The following CPNE7 variants were observed in gnomAD, a reference collection of about 807,000 sequenced individuals.
CPNE7 encodes copine 7.
A neutral mutation model predicts 66.5 loss-of-function variants in CPNE7; 78 were observed. The ratio of observed to expected loss-of-function variants is 1.17; its 90% confidence interval spans 0.98 to 1.42. CPNE7 has a LOEUF of 1.42. Ranked by LOEUF, CPNE7 falls within the 40% of genes most tolerant of loss-of-function variation. The pLI, the probability that CPNE7 is intolerant of heterozygous loss-of-function variation, is 0.00. For missense variants in CPNE7, 1,012 were observed against 776.6 expected (o/e 1.30, Z -3.60); for synonymous variants, 468 against 336.7 (o/e 1.39, Z -4.27).
At chr16:89,585,620 C>G in intron 6 of CPNE7, 67 bp downstream of exon 6, 1 of 1,555,890 alleles carries the variant, frequency 6.4e-7, no homozygotes, top group South Asian at 1.2e-5. Flanking sequence ...GATGGAGACA[C>G]CTGGGCTCGG....
At chr16:89,586,072 T>C (rs1280078424) in intron 7 of CPNE7, among the ~76,000 whole-genome samples, 9 of 4,576 alleles carry the variant, frequency 2.0e-3, no homozygotes, top group African/African-American at 3.0e-3. Flanking sequence ...GGGGGGCCTC[T>C]GGGGAGGGGC....
chr16:89,578,936 A>G, intron 2 of CPNE7: 2 of 1,613,408 alleles, frequency 1.2e-6, no homozygotes, highest in South Asian at 1.1e-5. Flanking sequence ...TGCGCTAAGC[A>G]CTTCCTGTGC....
At chr16:89,589,788 G>A (rs1597715100) in intron 10 of CPNE7, 109 bp from the exon 11 acceptor site, 24 of 1,202,504 alleles carry the variant, frequency 2.0e-5, no homozygotes, top group Non-Finnish European at 2.6e-5. Flanking sequence ...GTGGTACCAG[G>A]CCTGGGCACC....
chr16:89,577,745 G>T (rs747397399), intron 2 of CPNE7, 24 bp downstream of exon 2: 1 of 1,562,392 alleles, frequency 6.4e-7, no homozygotes, highest in Non-Finnish European at 8.7e-7. Flanking sequence ...CCCCTCGGAG[G>T]GAGGAGGACG....
chr16:89,593,424 T>A (rs1316756172), intron 13 of CPNE7, among the ~76,000 whole-genome samples: 1 of 150,834 alleles, frequency 6.6e-6, no homozygotes, highest in African/African-American at 2.4e-5. Flanking sequence ...GCGATCTTGG[T>A]TCACTGCAAG....
chr16:89,578,889 G>T (rs771806328), intron 2 of CPNE7: 1 of 1,613,406 alleles, frequency 6.2e-7, no homozygotes, highest in Non-Finnish European at 8.5e-7. Flanking sequence ...AAGTCGTGAT[G>T]AGAGTGTCTG....
At chr16:89,590,912 G>A in intron 11 of CPNE7, 95 bp from the exon 12 acceptor site, 2 of 1,370,256 alleles carry the variant, frequency 1.5e-6, no homozygotes, top group Non-Finnish European at 2.0e-6. Context: ...GGGGACATGG[G>A]GGCTGGGGAC....
chr16:89,587,993 T>A (rs531781054), intron 9 of CPNE7, among the ~76,000 whole-genome samples: 1 of 7,210 alleles, frequency 1.4e-4, no homozygotes, highest in Non-Finnish European at 9.2e-4. Context: ...CACCCACAGA[T>A]ACACGGCCCC....
Position 89,594,139 on chromosome 16 carries a change from C to T in CPNE7, c.1303-1228C>T, listed in dbSNP as rs546851956. ...GTCCCTCTCCTGGACACGAAGCTCC[C>T]GCCCTAGTGGGGCCCCACGGTGGGT... On this transcript the variant is annotated intron_variant, in intron 13 of 14. Transcript: ENST00000319518. 9.5e-4 allele frequency: 144 copies of T among 151,088 alleles called. 1 individual carries two copies. Among genetic ancestry groups the T allele is most frequent in the Non-Finnish European group, 1.7e-3 (115 of 68,000 alleles). 9.4% of individuals were successfully genotyped at this position (151,088 alleles called of 1,614,324 possible). A position where few individuals can be genotyped will look rare whatever the true frequency, so the allele number is the denominator to read the frequency against.
intron 9 of CPNE7, 85 bp from the exon 10 acceptor site, chr16:89,588,590 A>C: frequency 6.4e-7 from 1 of 1,563,132 alleles, no homozygotes; most frequent in South Asian, 1.2e-5. Flanking sequence ...AGTCCTGGCC[A>C]CTCTGGGCGT....
At chr16:89,595,118 C>T (rs2059233319) in intron 13 of CPNE7, among the ~76,000 whole-genome samples, 1 of 152,254 alleles carries the variant, frequency 6.6e-6, no homozygotes, top group South Asian at 2.1e-4. Context: ...GCACCCCCTC[C>T]ACAGCCCTCC....
chr16:89,589,941 C>A lies in CPNE7; in HGVS notation c.1106C>A (p.Pro369His). 1 of 1,613,644 alleles carries A rather than the reference C, an allele frequency of 6.2e-7. No individual in the cohort carries two copies. The highest frequency in any genetic ancestry group is 8.5e-7 in the Non-Finnish European group (1 of 1,179,960). The change falls in exon 11 of 15, where the codon CCC (proline) becomes CAC (histidine). Residue 369 changes from proline to histidine, a missense_variant. Physicochemically the swap from Pro to His is moderately conservative, Grantham distance 77. Coordinates refer to ENST00000319518, the MANE Select transcript of CPNE7 (RefSeq NM_153636.3). ...TTGGGGTTTGGAGCCCGGATCCCTC[C>A]CAAGTATGAGGTAGGAGAGCCCAGA... ...SALGFGARIP[P>H]KYEVSHDFAI...
In CPNE7 at chr16:89,585,682, C is replaced by G. The variant is rs1175414415; in HGVS notation, c.682-5C>G. On this transcript the variant is annotated splice_region_variant and splice_polypyrimidine_tract_variant and intron_variant, in intron 6 of 14. Coordinates refer to ENST00000319518, the MANE Select transcript of CPNE7 (RefSeq NM_153636.3). ...AGCAGTGCTGAGGAGGACTGGGCTC[C>G]CCAGTGCCTGGTCTGGGATTACGAC... 6.4e-7 allele frequency: 1 copy of G among 1,553,274 alleles called. No homozygotes were observed. The highest frequency in any genetic ancestry group is 1.9e-5 in the Admixed American group (1 of 51,504).
rs2059158521 is a variant in CPNE7, at chr16:89,590,993, T to C, written c.1117-14T>C. The C allele has an allele frequency of 1.9e-6, 3 of 1,613,388 alleles. No homozygotes were observed. Among genetic ancestry groups the C allele is most frequent in the Non-Finnish European group, 8.5e-7 (1 of 1,179,824 alleles). On this transcript the variant is annotated splice_polypyrimidine_tract_variant and intron_variant, in intron 11 of 14. Transcript: ENST00000319518. ...GCAACGAGCAGCTGACTGAGCCCTCTTGTTCCCACCCAGGTGTCCCATGAC... is the reference window on the plus strand; with the variant it reads ...GCAACGAGCAGCTGACTGAGCCCTCCTGTTCCCACCCAGGTGTCCCATGAC...
At chr16:89,589,018 G>A (rs569550910) in intron 10 of CPNE7, among the ~76,000 whole-genome samples, 6 of 152,312 alleles carry the variant, frequency 3.9e-5, no homozygotes, top group South Asian at 2.1e-4. Flanking sequence ...GGGGCCGGGC[G>A]CGGTAGCTCA....
chr16:89,586,524 T>A (rs1450627148), intron 7 of CPNE7, 146 bp from the exon 8 acceptor site: 1 of 635,964 alleles, frequency 1.6e-6, no homozygotes, highest in Non-Finnish European at 2.8e-6. Flanking sequence ...CTCTGCCCCT[T>A]CCTGCTGCCC....
intron 3 of CPNE7, 126 bp downstream of exon 3, chr16:89,583,897 G>A (rs2058994527): frequency 8.3e-6 from 12 of 1,437,990 alleles, no homozygotes; most frequent in Non-Finnish European, 1.1e-5. Context: ...CAGCTACACA[G>A]CCCCGGGGGT....
intron 11 of CPNE7, among the ~76,000 whole-genome samples, chr16:89,590,232 C>T (rs1212720292): frequency 6.6e-6 from 1 of 152,132 alleles, no homozygotes; most frequent in Non-Finnish European, 1.5e-5. Flanking sequence ...CATAACAATT[C>T]AGCTAGCTTC....
At chr16:89,585,099 C>A (rs1040444315) in intron 5 of CPNE7, among the ~76,000 whole-genome samples, 1 of 152,238 alleles carries the variant, frequency 6.6e-6, no homozygotes, top group South Asian at 2.1e-4. Flanking sequence ...TTAGACCTAC[C>A]TTCCACTTCC....
Sources: allele counts gnomAD v4.1 joint callset (sites outside exome capture counted in the v4.1 genomes callset), GRCh38; gene constraint gnomAD v4.1.1; transcripts MANE v1.5; gene names NCBI Gene and HGNC (gene_info 2026-07-23, HGNC 2026-07-21).